Variants in UGGT2 observed in about 807,000 individuals in gnomAD.
UGGT2 encodes UDP-glucose:glycoprotein glucosyltransferase 2.
In UGGT2, 180 loss-of-function variants were observed where a neutral mutation model predicts 192.1. The ratio of observed to expected loss-of-function variants is 0.94; its 90% CI spans 0.83 to 1.06. The LOEUF is 1.06. Among genes scored for constraint, UGGT2 ranks in the 50% least tolerant of loss-of-function variants. The pLI is 0.00. For missense variants in UGGT2, 1,849 were observed against 1,795.7 expected (o/e 1.03, Z -0.54); for synonymous variants, 580 against 591.0 (o/e 0.98, Z 0.27).
rs78718460 is a variant in UGGT2, at chr13:95,811,226, T to C, written c.4529-9414A>G. ...CAAGTGGTTAAACATAGAGTTACCA[T>C]ATGACCCAGTGATTTCACTAAGTAT... On this transcript the variant is annotated intron_variant, in intron 38 of 38. Transcript: ENST00000376747. 5.3e-5 allele frequency among the ~76,000 whole-genome samples: 8 copies of C among 152,310 alleles called. 1 individual carries two copies. In the East Asian group the frequency reaches 1.5e-3, roughly 29 times the overall value.
At position 95,827,089 on chromosome 13, in the gene UGGT2, AG is replaced by A. The variant is rs556023121; in HGVS notation, c.4528+5837del. Reference sequence around the variant, plus strand: ...AGATGGCAATACAAATGTGTGGAACAGAAATTAATTTCTTCCAGTGTCAGGC... The same window carrying A: ...AGATGGCAATACAAATGTGTGGAACAAAATTAATTTCTTCCAGTGTCAGGC... On this transcript the variant is annotated intron_variant, in intron 38 of 38. Transcript: ENST00000376747. 1.1e-3 allele frequency among the ~76,000 whole-genome samples: 162 copies of A among 152,314 alleles called. 2 individuals carry two copies. The highest frequency in any genetic ancestry group is 3.8e-3 in the African/African-American group (160 of 41,586).
At chr13:95,842,139 G>C (rs1887930121) in intron 36 of UGGT2, among the ~76,000 whole-genome samples, 1 of 152,036 alleles carries the variant, frequency 6.6e-6, no homozygotes, top group African/African-American at 2.4e-5. Flanking sequence ...ATTGAATATA[G>C]CTATCACCCT....
chr13:96,046,654 C>A lies in UGGT2; in HGVS notation c.158+6501G>T, dbSNP rs1298237289. Among the ~76,000 whole-genome samples the A allele has an allele frequency of 1.3e-5, 2 of 152,166 alleles. 1 individual carries two copies. The highest frequency in any genetic ancestry group is 2.9e-5 in the Non-Finnish European group (2 of 68,030). On this transcript the variant is annotated intron_variant, in intron 1 of 38. Coordinates refer to ENST00000376747, the MANE Select transcript of UGGT2 (RefSeq NM_020121.4). ...GTGGGTGCAGCCCACAGAGTGTGAG[C>A]CGAAGCGGGGCAAGGCATCGCCTCA... is the stretch of plus-strand genomic sequence containing the variant.
intron 20 of UGGT2, among the ~76,000 whole-genome samples, chr13:95,924,684 C>T (rs1175619610): frequency 2.0e-5 from 3 of 151,986 alleles, no homozygotes; most frequent in Non-Finnish European, 2.9e-5. Flanking sequence ...CATTGTGGCT[C>T]AGTCTTTATC....
intron 35 of UGGT2, 108 bp from the exon 36 acceptor site, chr13:95,853,765 G>A (rs1889294459): frequency 1.6e-6 from 1 of 633,728 alleles, no homozygotes; most frequent in South Asian, 2.5e-5. Flanking sequence ...GATATCCTAG[G>A]ATCTAATAAC....
intron 24 of UGGT2, among the ~76,000 whole-genome samples, chr13:95,891,936 G>A (rs749571572): frequency 1.3e-5 from 2 of 152,018 alleles, no homozygotes; most frequent in East Asian, 1.9e-4. Flanking sequence ...GGCAGTTGAC[G>A]ATTTAATTAT....
intron 32 of UGGT2, 133 bp from the exon 33 acceptor site, chr13:95,859,808 G>A (rs2140075738): frequency 1.7e-6 from 1 of 601,486 alleles, no homozygotes; most frequent in South Asian, 2.9e-5. Flanking sequence ...GGATACATGT[G>A]CAGAACATAC....
rs570994266 is a variant in UGGT2 at position 95,829,032 on chromosome 13, C to T, written c.4528+3895G>A. ...GGTTCAACATACACAAATCAATAAA[C>T]GTAATCCAGCATATAAACAGAACCA... is the stretch of plus-strand genomic sequence containing the variant. On this transcript the variant is annotated intron_variant, in intron 38 of 38. Coordinates refer to ENST00000376747, the MANE Select transcript of UGGT2 (RefSeq NM_020121.4). Among the ~76,000 whole-genome samples the T allele has an allele frequency of 1.8e-4, 27 of 152,174 alleles. No individual in the cohort carries two copies. In the East Asian group the frequency reaches 4.6e-3, roughly 26 times the overall value.
intron 27 of UGGT2, among the ~76,000 whole-genome samples, chr13:95,880,197 AAAGATC>A (rs1206489119): frequency 6.6e-6 from 1 of 152,222 alleles, no homozygotes; most frequent in Non-Finnish European, 1.5e-5. Flanking sequence ...GTTTAATTAT[AAAGATC>A]AACATTTGGG....
intron 22 of UGGT2, among the ~76,000 whole-genome samples, chr13:95,898,539 T>C (rs2048013597): frequency 6.6e-6 from 1 of 152,166 alleles, no homozygotes; most frequent in South Asian, 2.1e-4. Flanking sequence ...TTTGCCCATA[T>C]GACACTGCTA....
chr13:95,877,607 A>G, intron 28 of UGGT2, 91 bp downstream of exon 28: 1 of 1,408,566 alleles, frequency 7.1e-7, no homozygotes, highest in Non-Finnish European at 9.5e-7. Flanking sequence ...GTTCAGCAAC[A>G]GCAGAATAAA....
intron 36 of UGGT2, among the ~76,000 whole-genome samples, chr13:95,852,728 G>A (rs1889175674): frequency 6.6e-6 from 1 of 152,138 alleles, no homozygotes; most frequent in African/African-American, 2.4e-5. Context: ...TATCTAAAAT[G>A]TTTCAGATGC....
chr13:95,899,851 T>C (rs1472329574), intron 22 of UGGT2, among the ~76,000 whole-genome samples: 4 of 152,080 alleles, frequency 2.6e-5, no homozygotes, highest in African/African-American at 7.2e-5. Context: ...ATGTGTAAAA[T>C]AGCACTGTAC....
rs1317002447 is a variant in UGGT2 at position 95,972,626 on chromosome 13, A to G, written c.1138T>C (p.Phe380Leu). ...ATATCAACACGAAGGCCATTTATAA[A>G]TAGACGAGCATCGCCTGGCTGAATT... ...FKIQPGDARL[F>L]INGLRVDMDV... The change falls in exon 11 of 39, where the codon TTT (phenylalanine) becomes CTT (leucine). Residue 380 changes from phenylalanine to leucine, a missense_variant. By Grantham distance (22) the Phe-to-Leu change is conservative (BLOSUM62 0). Transcript: ENST00000376747. 3 of 1,613,910 alleles carry G rather than the reference A, an allele frequency of 1.9e-6. No individual in the cohort carries two copies. The highest frequency in any genetic ancestry group is 2.5e-6 in the Non-Finnish European group (3 of 1,179,866).
intron 28 of UGGT2, 102 bp from the exon 29 acceptor site, chr13:95,877,466 G>T: frequency 1.9e-6 from 2 of 1,052,846 alleles, no homozygotes; most frequent in Non-Finnish European, 2.7e-6. Flanking sequence ...ATTAACTGTA[G>T]AATGAATAAA....
intron 20 of UGGT2, 90 bp from the exon 21 acceptor site, chr13:95,903,150 T>A: frequency 7.9e-7 from 1 of 1,260,890 alleles, no homozygotes; most frequent in Non-Finnish European, 1.1e-6. Context: ...GTTTGTTCAC[T>A]GTATCATGCA....
intron 4 of UGGT2, among the ~76,000 whole-genome samples, chr13:96,013,730 T>C (rs1272607249): frequency 6.6e-6 from 1 of 152,102 alleles, no homozygotes; most frequent in Non-Finnish European, 1.5e-5. Context: ...CTTTAAACAA[T>C]AACATATAAT....
intron 1 of UGGT2, among the ~76,000 whole-genome samples, chr13:96,050,718 G>C (rs1055376318): frequency 6.6e-6 from 1 of 152,146 alleles, no homozygotes; most frequent in African/African-American, 2.4e-5. Flanking sequence ...GCAACCAACA[G>C]ACACATGAAA....
At chr13:95,934,964 T>C (rs879593129) in intron 17 of UGGT2, among the ~76,000 whole-genome samples, 3 of 152,202 alleles carry the variant, frequency 2.0e-5, no homozygotes, top group Non-Finnish European at 4.4e-5. Context: ...TGCATATATA[T>C]TTGGGACACT....
Sources: gnomAD v4.1 joint callset for allele counts (sites outside exome capture counted in the v4.1 genomes callset) on GRCh38, gnomAD v4.1.1 for gene constraint, MANE v1.5 for transcripts, NCBI Gene and HGNC (gene_info 2026-07-23, HGNC 2026-07-21) for gene names.